Variants in EIF2AK3 observed in about 807,000 individuals in gnomAD.
The protein encoded by EIF2AK3 is eukaryotic translation initiation factor 2-alpha kinase 3.
A neutral mutation model predicts 113.5 loss-of-function variants in EIF2AK3; 50 were observed. That is an observed-to-expected ratio of 0.44 (90% CI 0.35 to 0.56). EIF2AK3 has a LOEUF of 0.56. Ranked by LOEUF, EIF2AK3 falls within the 20% of genes least tolerant of loss-of-function variation. The pLI is 0.00. For missense variants in EIF2AK3, 1,185 were observed against 1,378.0 expected (o/e 0.86, Z 2.22); for synonymous variants, 448 against 495.4 (o/e 0.90, Z 1.27).
At chr2:88,614,829 A>G (rs1429098616) in intron 1 of EIF2AK3, among the ~76,000 whole-genome samples, 3 of 152,176 alleles carry the variant, frequency 2.0e-5, no homozygotes, top group African/African-American at 7.2e-5. Flanking sequence ...GTTAAAGTCA[A>G]TCTTCTCCCC....
chr2:88,567,607 C>T (rs1269023111), intron 14 of EIF2AK3, among the ~76,000 whole-genome samples: 1 of 152,146 alleles, frequency 6.6e-6, no homozygotes, highest in East Asian at 1.9e-4. Flanking sequence ...TATCAATATT[C>T]ACAAGAACCA....
At chr2:88,563,859 C>CAG (rs1202291862) in intron 14 of EIF2AK3, among the ~76,000 whole-genome samples, 1 of 151,914 alleles carries the variant, frequency 6.6e-6, no homozygotes, top group Non-Finnish European at 1.5e-5. Context: ...TACACACACA[C>CAG]AGAGAGAGAA....
intron 6 of EIF2AK3, among the ~76,000 whole-genome samples, chr2:88,590,228 T>TC (rs1324261000): frequency 1.3e-5 from 2 of 152,050 alleles, no homozygotes; most frequent in African/African-American, 4.8e-5. Flanking sequence ...AGAGTGAAAC[T>TC]CCATCTCCAA....
intron 2 of EIF2AK3, among the ~76,000 whole-genome samples, chr2:88,606,523 G>T (rs1675283817): frequency 6.6e-6 from 1 of 152,150 alleles, no homozygotes; most frequent in African/African-American, 2.4e-5. Flanking sequence ...ATGATTGACA[G>T]CTATGCTTCA....
intron 2 of EIF2AK3, among the ~76,000 whole-genome samples, chr2:88,606,307 ATAAAAT>A (rs1347067961): frequency 6.9e-6 from 1 of 145,526 alleles, no homozygotes; most frequent in African/African-American, 2.7e-5. Context: ...TCCTAAAAAA[ATAAAAT>A]AAAAAATAAA....
chr2:88,598,060 GC>G (rs773272587), intron 2 of EIF2AK3, among the ~76,000 whole-genome samples: 1 of 152,166 alleles, frequency 6.6e-6, no homozygotes, highest in Non-Finnish European at 1.5e-5. Flanking sequence ...ACAAGGATGT[GC>G]TTGAAAAGGG....
intron 14 of EIF2AK3, among the ~76,000 whole-genome samples, chr2:88,564,757 C>G (rs758537715): frequency 3.3e-5 from 5 of 152,094 alleles, no homozygotes; most frequent in Non-Finnish European, 5.9e-5. Flanking sequence ...AGTCCCTATA[C>G]TGATAGTTTA....
At chr2:88,590,720 A>G in intron 5 of EIF2AK3, 98 bp downstream of exon 5, 7 of 1,560,806 alleles carry the variant, frequency 4.5e-6, no homozygotes, top group Non-Finnish European at 6.2e-6. Flanking sequence ...ACAAGCTGAG[A>G]GCCCCAAGTA....
chr2:88,627,442 C>G lies in EIF2AK3; in HGVS notation c.-168G>C, dbSNP rs981005804. The stretch of plus-strand genomic sequence containing the variant: ...GGCCACGTCTCAGCCCGGCCTCTGC[C>G]GCTGCCACCTGAGTGACAGCCTATC... On this transcript the variant is annotated 5_prime_UTR_variant, in exon 1 of 17. Coordinates refer to ENST00000303236, the MANE Select transcript of EIF2AK3 (RefSeq NM_004836.7). 1.1e-4 allele frequency: 92 copies of G among 807,160 alleles called. No homozygotes were observed. Among genetic ancestry groups the G allele is most frequent in the Middle Eastern group, 4.1e-4 (1 of 2,416 alleles). The allele number at this position is 807,160 out of a possible 1,614,324, so 50.0% of individuals were successfully genotyped here.
chr2:88,616,997 G>A (rs532466946), intron 1 of EIF2AK3, among the ~76,000 whole-genome samples: 1 of 152,260 alleles, frequency 6.6e-6, no homozygotes, highest in African/African-American at 2.4e-5. Flanking sequence ...CTGGAATGGA[G>A]GCACCCCTTC....
rs373536024 is a variant in EIF2AK3, at chr2:88,597,230, T to G, written c.439-1567A>C. 2.6e-5 allele frequency among the ~76,000 whole-genome samples: 4 copies of G among 152,310 alleles called. No homozygotes were observed. In the South Asian group the frequency reaches 8.3e-4, roughly 32 times the overall value. On this transcript the variant is annotated intron_variant, in intron 2 of 16. Coordinates refer to ENST00000303236, the MANE Select transcript of EIF2AK3 (RefSeq NM_004836.7). ...TTAAAAACCACTATTCTAATTCACTTCTTTCTTTCATTTTCCAGTTCAAAT... is the reference window on the plus strand; with the variant it reads ...TTAAAAACCACTATTCTAATTCACTGCTTTCTTTCATTTTCCAGTTCAAAT...
intron 10 of EIF2AK3, among the ~76,000 whole-genome samples, chr2:88,580,649 A>G (rs1179515585): frequency 6.6e-6 from 1 of 152,206 alleles, no homozygotes; most frequent in African/African-American, 2.4e-5. Flanking sequence ...TGTTGAATAA[A>G]TGCATGAATT....
chr2:88,591,874 C>T (rs1009733364), intron 4 of EIF2AK3, among the ~76,000 whole-genome samples: 1 of 151,976 alleles, frequency 6.6e-6, no homozygotes, highest in African/African-American at 2.4e-5. Flanking sequence ...GGCTGAGCTC[C>T]CAGTAAGCAC....
At chr2:88,626,904 A>G (rs942753184) in intron 1 of EIF2AK3, 63 bp downstream of exon 1, 224 of 1,588,378 alleles carry the variant, frequency 1.4e-4, no homozygotes, top group Non-Finnish European at 1.9e-4. Flanking sequence ...GCCCCCCTAC[A>G]CCGCATCCTC....
chr2:88,592,942 C>T (rs957144421), intron 4 of EIF2AK3, among the ~76,000 whole-genome samples: 4 of 151,894 alleles, frequency 2.6e-5, no homozygotes, highest in African/African-American at 9.7e-5. Context: ...GGGAGTTGGA[C>T]ACCAGCCTGG....
chr2:88,612,719 ATTGGAAAGT>A (rs1675486279), intron 2 of EIF2AK3, among the ~76,000 whole-genome samples: 1 of 152,182 alleles, frequency 6.6e-6, no homozygotes, highest in South Asian at 2.1e-4. Flanking sequence ...GCAGTTTCCC[ATTGGAAAGT>A]TTGGTCACCA....
intron 12 of EIF2AK3, 103 bp downstream of exon 12, chr2:88,576,451 G>A (rs1674459141): frequency 2.0e-6 from 3 of 1,515,986 alleles, no homozygotes; most frequent in Admixed American, 1.9e-5. Context: ...GAACTCTGCT[G>A]TTCCTTTTCT....
intron 1 of EIF2AK3, among the ~76,000 whole-genome samples, chr2:88,617,419 A>C (rs1483719569): frequency 6.6e-6 from 1 of 152,220 alleles, no homozygotes; most frequent in African/African-American, 2.4e-5. Context: ...GTTCTCACTT[A>C]TAAGTGGAAG....
In EIF2AK3 at chr2:88,590,895, C is replaced by T. The variant is rs770275798; in HGVS notation, c.925G>A (p.Val309Met). Residue 309 changes from valine to methionine, a missense_variant, in exon 5 of 17, where the codon GTG becomes ATG. This residue lies in a region of EIF2AK3 where 877 missense variants were observed against 1,024.2 expected (regional missense o/e 0.86). Coordinates refer to ENST00000303236, the MANE Select transcript of EIF2AK3 (RefSeq NM_004836.7). ...CAGTCAGCAACCGAAACCTTTATCACTATGTCCATTATGGCAGCTTCCTGT... is the reference window on the plus strand; with the variant it reads ...CAGTCAGCAACCGAAACCTTTATCATTATGTCCATTATGGCAGCTTCCTGT... ...EEQEAAIMDIVIKVSVADWKV... is the reference protein window; with the variant it reads ...EEQEAAIMDIMIKVSVADWKV... 1 of 1,614,124 alleles carries T rather than the reference C, an allele frequency of 6.2e-7. No homozygotes were observed. The highest frequency in any genetic ancestry group is 8.5e-7 in the Non-Finnish European group (1 of 1,179,990).
Sources: allele counts gnomAD v4.1 joint callset (sites outside exome capture counted in the v4.1 genomes callset), GRCh38; gene constraint gnomAD v4.1.1; regional missense constraint gnomAD v4.1.1; transcripts MANE v1.5; gene names NCBI Gene and HGNC (gene_info 2026-07-23, HGNC 2026-07-21).